Variants in SEPSECS observed in about 807,000 individuals in gnomAD.
SEPSECS encodes the protein O-phosphoseryl-tRNA(Sec) selenium transferase.
In SEPSECS, 42 loss-of-function variants were observed where a neutral mutation model predicts 52.1. That is an observed-to-expected ratio of 0.81 (90% CI 0.63 to 1.04). SEPSECS has a LOEUF of 1.04. Among genes scored for constraint, SEPSECS ranks in the 50% least tolerant of loss-of-function variants. The pLI, the probability that SEPSECS is intolerant of heterozygous loss-of-function variation, is 0.00. For synonymous variants in SEPSECS, 216 were observed against 211.4 expected, an observed-to-expected ratio of 1.02 and a Z score of -0.19; for missense variants, 590 against 610.6, an observed-to-expected ratio of 0.97 and a Z score of 0.36.
chr4:25,145,542 G>A (rs965894597), intron 6 of SEPSECS, among the ~76,000 whole-genome samples: 2 of 152,132 alleles, frequency 1.3e-5, no homozygotes, highest in South Asian at 2.1e-4. Context: ...AGGCAAGCAC[G>A]GTTTCAGTAT....
chr4:25,137,734 T>C (rs1222931178), intron 8 of SEPSECS, among the ~76,000 whole-genome samples: 1 of 152,150 alleles, frequency 6.6e-6, no homozygotes. Flanking sequence ...CAAAGGAATA[T>C]AAATTATTCT....
intron 5 of SEPSECS, among the ~76,000 whole-genome samples, chr4:25,152,324 T>A (rs778325752): frequency 5.3e-5 from 8 of 152,026 alleles, no homozygotes; most frequent in Non-Finnish European, 1.2e-4. Flanking sequence ...TTTATGTAGA[T>A]GATAAATCAT....
chr4:25,156,802 G>A, intron 3 of SEPSECS, 54 bp downstream of exon 3: 3 of 849,034 alleles, frequency 3.5e-6, no homozygotes, highest in East Asian at 5.0e-5. Context: ...ATGAGTCAGT[G>A]GTGTGTGTGT....
Position 25,160,419 on chromosome 4 carries a change from C to G in SEPSECS, c.-50G>C. 1 of 1,449,586 alleles carries G rather than the reference C, an allele frequency of 6.9e-7. No homozygotes were observed. The highest frequency in any genetic ancestry group is 9.4e-7 in the Non-Finnish European group (1 of 1,060,248). 89.8% of individuals were successfully genotyped at this position (1,449,586 alleles called of 1,614,324 possible). ...TAAGCGGGAGCACTAGCTCCACACG[C>G]CAGACACACGACGGAACCAGAATGC... On this transcript the variant is annotated 5_prime_UTR_variant, in exon 1 of 11. Coordinates refer to ENST00000382103, the MANE Select transcript of SEPSECS (RefSeq NM_016955.4).
chr4:25,127,463 C>G (rs779269456), intron 8 of SEPSECS, 106 bp from the exon 9 acceptor site: 22 of 807,008 alleles, frequency 2.7e-5, no homozygotes, highest in Non-Finnish European at 4.6e-5. Flanking sequence ...ATTAACTCAT[C>G]CATGTGCCTT....
At chr4:25,158,307 G>A (rs1712812430) in intron 2 of SEPSECS, among the ~76,000 whole-genome samples, 1 of 152,110 alleles carries the variant, frequency 6.6e-6, no homozygotes, top group Non-Finnish European at 1.5e-5. Flanking sequence ...GTAAAAGCAT[G>A]GAAGACAGGA....
intron 8 of SEPSECS, among the ~76,000 whole-genome samples, chr4:25,134,352 GTA>G (rs139535908): frequency 1.5e-4 from 21 of 144,208 alleles, no homozygotes; most frequent in African/African-American, 5.6e-4. Context: ...GTGTGTGTGT[GTA>G]TAAAATTTGC....
intron 5 of SEPSECS, among the ~76,000 whole-genome samples, chr4:25,154,635 T>C (rs1324357964): frequency 1.3e-5 from 2 of 152,086 alleles, no homozygotes; most frequent in Admixed American, 6.6e-5. Flanking sequence ...TTATTAATAC[T>C]GATAGCAATG....
chr4:25,142,837 T>C (rs941250206), intron 8 of SEPSECS, among the ~76,000 whole-genome samples: 2 of 152,222 alleles, frequency 1.3e-5, no homozygotes, highest in African/African-American at 2.4e-5. Flanking sequence ...GATTATTATG[T>C]CCAAAGTCCA....
At chr4:25,125,984 TA>T (rs1237145804) in intron 9 of SEPSECS, among the ~76,000 whole-genome samples, 200 bp from the exon 10 acceptor site, 1 of 152,120 alleles carries the variant, frequency 6.6e-6, no homozygotes. Flanking sequence ...CATCTCCAAA[TA>T]CGAAACAGAA....
intron 1 of SEPSECS, chr4:25,159,848 C>T (rs1712948440): frequency 9.2e-7 from 1 of 1,085,576 alleles, no homozygotes; most frequent in Non-Finnish European, 1.1e-6. Flanking sequence ...CTGTGAAGTT[C>T]CGCGGAAAGC....
At chr4:25,150,589 A>C (rs1472415952) in intron 6 of SEPSECS, among the ~76,000 whole-genome samples, 2 of 152,188 alleles carry the variant, frequency 1.3e-5, no homozygotes, top group African/African-American at 4.8e-5. Context: ...AAAAAAAAAC[A>C]CTGCCTATTA....
intron 6 of SEPSECS, among the ~76,000 whole-genome samples, chr4:25,147,915 G>C (rs1712058962): frequency 6.6e-6 from 1 of 152,092 alleles, no homozygotes; most frequent in Non-Finnish European, 1.5e-5. Context: ...ATGGGACTTT[G>C]GAGTCGCACT....
intron 3 of SEPSECS, 116 bp downstream of exon 3, chr4:25,156,737 AAGT>A: frequency 1.9e-6 from 1 of 529,438 alleles, no homozygotes; most frequent in South Asian, 2.0e-5. Flanking sequence ...AAAAAAAAAG[AAGT>A]CTTTTCAAAA....
intron 5 of SEPSECS, 150 bp from the exon 6 acceptor site, chr4:25,152,212 G>C: frequency 1.6e-6 from 1 of 607,062 alleles, no homozygotes; most frequent in Non-Finnish European, 3.0e-6. Flanking sequence ...GCAGTATTTT[G>C]ACATGTAATT....
chr4:25,121,553 A>C lies in SEPSECS; in HGVS notation c.*2378T>G, dbSNP rs1016253389. 1 of 152,196 alleles carries C rather than the reference A, an allele frequency of 6.6e-6. No individual in the cohort carries two copies. The highest frequency in any genetic ancestry group is 2.4e-5 in the African/African-American group (1 of 41,468). The allele number at this position is 152,196 out of a possible 1,614,324, so 9.4% of individuals were successfully genotyped here. A position where few individuals can be genotyped will look rare whatever the true frequency, so the allele number is the denominator to read the frequency against. On this transcript the variant is annotated 3_prime_UTR_variant, in exon 11 of 11. Transcript: ENST00000382103. ...AATTATAATAAATACATCCTTTTTAATACTTATGTGTAGAAATGGGAGTGA... is the reference window on the plus strand; with the variant it reads ...AATTATAATAAATACATCCTTTTTACTACTTATGTGTAGAAATGGGAGTGA...
At chr4:25,129,713 A>G (rs549229428) in intron 8 of SEPSECS, among the ~76,000 whole-genome samples, 1 of 152,154 alleles carries the variant, frequency 6.6e-6, no homozygotes, top group South Asian at 2.1e-4. Context: ...CCATACTACG[A>G]AAGGTGAAAC....
chr4:25,125,870 T>A (rs1426602979), intron 9 of SEPSECS, 86 bp from the exon 10 acceptor site: 5 of 817,290 alleles, frequency 6.1e-6, no homozygotes, highest in Non-Finnish European at 1.0e-5. Context: ...GATGAAGGCA[T>A]TACTTTTTAT....
intron 5 of SEPSECS, among the ~76,000 whole-genome samples, chr4:25,154,552 A>T (rs886155622): frequency 2.0e-5 from 3 of 152,186 alleles, no homozygotes; most frequent in African/African-American, 7.2e-5. Flanking sequence ...CACTATGCAC[A>T]CCTAAGGTAT....
Sources: gnomAD v4.1 joint callset for allele counts (sites outside exome capture counted in the v4.1 genomes callset) on GRCh38, gnomAD v4.1.1 for gene constraint, MANE v1.5 for transcripts, NCBI Gene and HGNC (gene_info 2026-07-23, HGNC 2026-07-21) for gene names.